Variants in TNFSF13B observed in about 807,000 individuals in gnomAD.
TNFSF13B encodes TNF superfamily member 13b, also known as tumor necrosis factor ligand superfamily member 13B.
A neutral mutation model predicts 29.1 loss-of-function variants in TNFSF13B; 8 were observed. That is an observed-to-expected ratio of 0.27 (90% CI 0.16 to 0.50). The LOEUF (loss-of-function observed/expected upper bound fraction) is 0.50, where lower values mean the gene tolerates loss of function less well. Ranked by LOEUF, TNFSF13B falls within the 20% of genes least tolerant of loss-of-function variation. The probability of loss-of-function intolerance (pLI) is 0.98; values close to 1 mark genes in which losing one functional copy is unlikely to be tolerated. For synonymous variants in TNFSF13B, 125 were observed against 130.8 expected, an observed-to-expected ratio of 0.96 and a Z score of 0.30; for missense variants, 248 against 334.9, an observed-to-expected ratio of 0.74 and a Z score of 2.03.
At chr13:108,306,451 A>G (rs1346773799) in intron 5 of TNFSF13B, among the ~76,000 whole-genome samples, 1 of 151,932 alleles carries the variant, frequency 6.6e-6, no homozygotes, top group African/African-American at 2.4e-5. Flanking sequence ...TTTATTTAAC[A>G]TTATTATAAA....
chr13:108,278,666 T>TCCGCTTCTCTTTCTC (rs375124146), intron 2 of TNFSF13B, among the ~76,000 whole-genome samples: 1 of 4,450 alleles, frequency 2.2e-4, no homozygotes, highest in Non-Finnish European at 6.1e-4. Flanking sequence ...CTCCTCCTCC[T>TCCGCTTCTCTTTCTC]CTCCTCCTCT....
chr13:108,273,992 G>C (rs952172970), intron 2 of TNFSF13B, among the ~76,000 whole-genome samples: 10 of 151,986 alleles, frequency 6.6e-5, no homozygotes, highest in Admixed American at 1.3e-4. Context: ...ACTCTATAAT[G>C]ATCCACTTCC....
Position 108,281,016 on chromosome 13 carries a change from G to A in TNFSF13B, c.425-5787G>A, listed in dbSNP as rs199571595. 2.0e-5 allele frequency among the ~76,000 whole-genome samples: 3 copies of A among 152,270 alleles called. No homozygotes were observed. In the East Asian group the frequency reaches 5.8e-4, roughly 30 times the overall value. ...AATGCCAGCACTTCAGGAGGCTGAG[G>A]TAGGTGGATCACCTGAGGTCAGGAG... is the stretch of plus-strand genomic sequence containing the variant. On this transcript the variant is annotated intron_variant, in intron 2 of 5. Transcript: ENST00000375887.
chr13:108,299,462 G>GTTTAGTAATTTTTGTGGTGTC (rs1200945563), intron 3 of TNFSF13B, among the ~76,000 whole-genome samples: 2,433 of 117,460 alleles, frequency 0.021, 1 homozygote, highest in Middle Eastern at 0.027. Context: ...TTGTTCACTT[G>GTTTAGTAATTTTTGTGGTGTC]TTTAGTAATT....
chr13:108,292,469 T>C (rs1253063994), intron 3 of TNFSF13B, among the ~76,000 whole-genome samples: 3 of 152,126 alleles, frequency 2.0e-5, no homozygotes, highest in African/African-American at 7.2e-5. Flanking sequence ...GGAGTATACA[T>C]CGATGAATCG....
intron 3 of TNFSF13B, among the ~76,000 whole-genome samples, chr13:108,299,340 T>C (rs1881547198): frequency 6.8e-6 from 1 of 146,126 alleles, no homozygotes; most frequent in African/African-American, 2.6e-5. Flanking sequence ...TGCCTTGAAG[T>C]TTCTTCTTGA....
chr13:108,306,958 T>C lies in TNFSF13B; in HGVS notation c.*20T>C. The C allele has an allele frequency of 2.8e-6, 4 of 1,405,354 alleles. No homozygotes were observed. Among genetic ancestry groups the C allele is most frequent in the Non-Finnish European group, 3.9e-6 (4 of 1,015,614 alleles). 87.1% of individuals were successfully genotyped at this position (1,405,354 alleles called of 1,614,324 possible). On this transcript the variant is annotated 3_prime_UTR_variant, in exon 6 of 6. Coordinates refer to ENST00000375887, the MANE Select transcript of TNFSF13B (RefSeq NM_006573.5). ...CTGTGACCTACTTACACCATGTCTGTAGCTATTTTCCTCCCTTTCTCTGTA... is the reference window on the plus strand; with the variant it reads ...CTGTGACCTACTTACACCATGTCTGCAGCTATTTTCCTCCCTTTCTCTGTA...
Position 108,303,473 on chromosome 13 carries a change from C to A in TNFSF13B, c.614C>A (p.Thr205Asn). 6.2e-7 allele frequency: 1 copy of A among 1,613,184 alleles called. No homozygotes were observed. ...TCTTAGGTTTTATATACTGATAAGA[C>A]CTACGCCATGGGACATCTAATTCAG... Reference protein sequence around the residue: ...IYGQVLYTDKTYAMGHLIQRK... With the variant: ...IYGQVLYTDKNYAMGHLIQRK... The change falls in exon 5 of 6, where the codon ACC (threonine) becomes AAC (asparagine). Residue 205 changes from threonine (T) to asparagine (N), a missense_variant. This residue lies in a region of TNFSF13B where 62 missense variants were observed against 138.6 expected (regional missense o/e 0.45). Coordinates refer to ENST00000375887, the MANE Select transcript of TNFSF13B (RefSeq NM_006573.5).
At position 108,269,733 on chromosome 13, in the gene TNFSF13B, G is replaced by T. The variant is rs1880554646; in HGVS notation, c.-163G>T. On this transcript the variant is annotated 5_prime_UTR_variant, in exon 1 of 6. Coordinates refer to ENST00000375887, the MANE Select transcript of TNFSF13B (RefSeq NM_006573.5). ...ACTGTACAGTAGGGGTAGAGATGCA[G>T]AAAGGCAGAAAGGAGAAAATTCAGG... The T allele has an allele frequency of 1.5e-6, 1 of 658,258 alleles. No homozygotes were observed. Among genetic ancestry groups the T allele is most frequent in the Non-Finnish European group, 2.6e-6 (1 of 385,756 alleles). 40.8% of individuals were successfully genotyped at this position (658,258 alleles called of 1,614,324 possible).
intron 2 of TNFSF13B, among the ~76,000 whole-genome samples, chr13:108,274,286 T>C (rs976055512): frequency 1.3e-5 from 2 of 151,368 alleles, no homozygotes; most frequent in Non-Finnish European, 2.9e-5. Flanking sequence ...CATATACATA[T>C]GAACAATACA....
At chr13:108,280,080 T>C (rs1880891127) in intron 2 of TNFSF13B, among the ~76,000 whole-genome samples, 1 of 151,196 alleles carries the variant, frequency 6.6e-6, no homozygotes, top group Non-Finnish European at 1.5e-5. Context: ...TTTTTTTTTT[T>C]TTTTTTTGCT....
Position 108,306,854 on chromosome 13 carries a change from A to G in TNFSF13B, c.774A>G (p.Glu258=), listed in dbSNP as rs1406457318. 1.9e-6 allele frequency: 3 copies of G among 1,610,596 alleles called. No homozygotes were observed. The highest frequency in any genetic ancestry group is 2.5e-6 in the Non-Finnish European group (3 of 1,177,992). ...TTGCAAAACTGGAAGAAGGAGATGA[A>G]CTCCAACTTGCAATACCAAGAGAAA... The part of the protein sequence containing the change: ...AGIAKLEEGD[E]LQLAIPRENA... Residue 258 remains glutamate, a synonymous_variant, in exon 6 of 6, where the codon GAA becomes GAG. Transcript: ENST00000375887.
intron 2 of TNFSF13B, among the ~76,000 whole-genome samples, chr13:108,282,276 A>G (rs76467686): frequency 0.014 from 2,130 of 152,320 alleles, 56 homozygotes; most frequent in African/African-American, 0.049. Flanking sequence ...TTCATGGGAG[A>G]CACATATAAT....
At chr13:108,276,520 C>A (rs1331198290) in intron 2 of TNFSF13B, among the ~76,000 whole-genome samples, 1 of 152,142 alleles carries the variant, frequency 6.6e-6, no homozygotes, top group Non-Finnish European at 1.5e-5. Context: ...TTTACACAAT[C>A]TTACATTATC....
chr13:108,303,519 T>C lies in TNFSF13B; in HGVS notation c.660T>C (p.Phe220=). ...HLIQRKKVHV[F]GDELSLVTLF... is the part of the protein sequence containing the mutation. ...TTCAGAGGAAGAAGGTCCATGTCTT[T>C]GGGGATGAATTGAGTCTGGTGACTT... The change falls in exon 5 of 6, where the codon TTT becomes TTC. Residue 220 remains phenylalanine, a synonymous_variant. Transcript: ENST00000375887. 1 of 1,613,826 alleles carries C rather than the reference T, an allele frequency of 6.2e-7. No individual in the cohort carries two copies. The highest frequency in any genetic ancestry group is 1.3e-5 in the African/African-American group (1 of 75,004).
intron 3 of TNFSF13B, among the ~76,000 whole-genome samples, chr13:108,292,882 A>G (rs999855665): frequency 6.6e-6 from 1 of 152,072 alleles, no homozygotes; most frequent in Non-Finnish European, 1.5e-5. Context: ...TTATCTTTTT[A>G]CTTTCTTGAG....
Position 108,270,401 on chromosome 13 carries a change from C to A in TNFSF13B, c.401C>A (p.Ala134Asp). ...NSSQNSRNKR[A>D]VQGPEETVTQ... ...AGTCAGAACAGCAGAAATAAGCGTG[C>A]CGTTCAGGGTCCAGAAGAAACAGGT... is the stretch of plus-strand genomic sequence containing the variant. The change falls in exon 2 of 6, where the codon GCC becomes GAC. Residue 134 changes from alanine (A) to aspartate (D), a missense_variant. Around this residue, in one of 2 missense-constraint regions of TNFSF13B, gnomAD observed 186 missense variants for 196.3 expected, o/e 0.95. Transcript: ENST00000375887. The A allele has an allele frequency of 6.2e-7, 1 of 1,614,036 alleles. No individual in the cohort carries two copies. Among genetic ancestry groups the A allele is most frequent in the Non-Finnish European group, 8.5e-7 (1 of 1,179,910 alleles).
intron 2 of TNFSF13B, among the ~76,000 whole-genome samples, chr13:108,282,872 CT>C (rs1175416937): frequency 6.6e-6 from 1 of 151,982 alleles, no homozygotes; most frequent in Non-Finnish European, 1.5e-5. Flanking sequence ...ATAAAAAAAA[CT>C]ATTCTTAACC....
chr13:108,271,073 G>A lies in TNFSF13B; in HGVS notation c.424+649G>A, dbSNP rs562757488. On this transcript the variant is annotated intron_variant, in intron 2 of 5. Transcript: ENST00000375887. ...TTATAATCGTCCTTTACTGATTTCT[G>A]ACTTTCTTCATGTTCTGCTCATTCC... Among the ~76,000 whole-genome samples, 187 of 151,942 alleles carry A rather than the reference G, an allele frequency of 1.2e-3. 1 individual carries two copies. The highest frequency in any genetic ancestry group is 5.8e-4 in the East Asian group (3 of 5,138).
Sources: gnomAD v4.1 joint callset for allele counts (sites outside exome capture counted in the v4.1 genomes callset) on GRCh38, gnomAD v4.1.1 for gene constraint, gnomAD v4.1.1 regional missense constraint, MANE v1.5 for transcripts, NCBI Gene and HGNC (gene_info 2026-07-23, HGNC 2026-07-21) for gene names.